The following SSC5D variants were observed in gnomAD, a reference collection of about 807,000 sequenced individuals.
SSC5D encodes scavenger receptor cysteine rich family member with 5 domains.
SSC5D carries 106 observed loss-of-function variants against 104.6 expected under a neutral mutation model. That is an observed-to-expected ratio of 1.01 (90% CI 0.87 to 1.19). SSC5D has a LOEUF of 1.19. SSC5D is among the 50% of genes most tolerant of loss of function. The pLI is 0.00. For missense variants in SSC5D, 1,993 were observed against 2,153.8 expected (o/e 0.93, Z 1.48); for synonymous variants, 860 against 883.5 (o/e 0.97, Z 0.47).
intron 6 of SSC5D, chr19:55,492,833 A>T (rs1987189127): frequency 6.6e-6 from 1 of 151,908 alleles, no homozygotes; most frequent in African/African-American, 2.4e-5. Context: ...CAGTCTGGGC[A>T]ACATAGTGAG....
At position 55,493,591 on chromosome 19, in the gene SSC5D, C is replaced by T; in HGVS notation, c.896-4C>T. 2 of 1,443,320 alleles carry T rather than the reference C, an allele frequency of 1.4e-6. No individual in the cohort carries two copies. Among genetic ancestry groups the T allele is most frequent in the Non-Finnish European group, 1.8e-6 (2 of 1,112,020 alleles). 89.4% of individuals were successfully genotyped at this position (1,443,320 alleles called of 1,614,324 possible). A position where few individuals can be genotyped will look rare whatever the true frequency, so the allele number is the denominator to read the frequency against. ...GGCCCTGTGCTCCCTCTCCCACTAT[C>T]CAGGCCCAGCACCTCGGCTGCGCCT... On this transcript the variant is annotated splice_polypyrimidine_tract_variant and splice_region_variant and intron_variant, in intron 6 of 13. Coordinates refer to ENST00000389623, the MANE Select transcript of SSC5D (RefSeq NM_001144950.2).
Position 55,519,052 on chromosome 19 carries a change from C to A in SSC5D, c.*54C>A, listed in dbSNP as rs546066162. 298 of 1,467,928 alleles carry A rather than the reference C, an allele frequency of 2.0e-4. No homozygotes were observed. The Middle Eastern group carries it at 4.8e-3, about 23-fold the overall frequency. The allele number at this position is 1,467,928 out of a possible 1,614,324, so 90.9% of individuals were successfully genotyped here. On this transcript the variant is annotated 3_prime_UTR_variant, in exon 14 of 14. Transcript: ENST00000389623. ...CACCCCCAACCAAAAAAAACAAAAA[C>A]AAAAAAAACCCCCAAAGTATCTAAT... is the stretch of plus-strand genomic sequence containing the variant.
Position 55,519,008 on chromosome 19 carries a change from G to T in SSC5D, c.*10G>T, listed in dbSNP as rs1285874923. Reference sequence around the variant, plus strand: ...GAGGGGAGACGTGTGACCCTCTCCAGGATTTGAGGGGCTTAAGACACCCCC... The same window carrying T: ...GAGGGGAGACGTGTGACCCTCTCCATGATTTGAGGGGCTTAAGACACCCCC... On this transcript the variant is annotated 3_prime_UTR_variant, in exon 14 of 14. Transcript: ENST00000389623. 4 of 1,549,772 alleles carry T rather than the reference G, an allele frequency of 2.6e-6. No individual in the cohort carries two copies. In the South Asian group the frequency reaches 3.6e-5, roughly 14 times the overall value.
chr19:55,501,927 CTCTA>C (rs1175307740), intron 12 of SSC5D, among the ~76,000 whole-genome samples: 4 of 152,056 alleles, frequency 2.6e-5, no homozygotes, highest in Admixed American at 2.6e-4. Context: ...CCCTCATCAT[CTCTA>C]TCTCTGTATT....
rs542095258 is a variant in SSC5D, at chr19:55,514,215, C to A, written c.2947+1043C>A. Among the ~76,000 whole-genome samples, 567 of 151,576 alleles carry A rather than the reference C, an allele frequency of 3.7e-3. 3 individuals carry two copies. The highest frequency in any genetic ancestry group is 6.9e-3 in the Middle Eastern group (2 of 288). ...GGTCAGGAGATCGAGACCATCCTGG[C>A]TAACACGGTGAAACCCTGTCTTTAC... On this transcript the variant is annotated intron_variant, in intron 13 of 13. Coordinates refer to ENST00000389623, the MANE Select transcript of SSC5D (RefSeq NM_001144950.2).
At chr19:55,490,213 A>C (rs1987097698) in intron 4 of SSC5D, 85 bp from the exon 5 acceptor site, 1 of 637,418 alleles carries the variant, frequency 1.6e-6, no homozygotes, top group African/African-American at 1.9e-5. Flanking sequence ...ATCACTTCAG[A>C]CCCTCAGAGA....
In SSC5D at chr19:55,499,982, G is replaced by C; in HGVS notation, c.1872G>C (p.Met624Ile). Reference sequence around the variant, plus strand: ...CAACCACGAAGGCCCCAGGGAAAATGCCTAAGAGTACTAAGAAGTGGGTGA... The same window carrying C: ...CAACCACGAAGGCCCCAGGGAAAATCCCTAAGAGTACTAAGAAGTGGGTGA... ...EKTTTKAPGK[M>I]PKSTKKWVTK... The change falls in exon 10 of 14, where the codon ATG becomes ATC. Residue 624 changes from methionine to isoleucine, a missense_variant. Physicochemically the swap from Met to Ile is conservative, Grantham distance 10. This residue lies in a region of SSC5D where 1,101 missense variants were observed against 1,085.0 expected (regional missense o/e 1.01). Coordinates refer to ENST00000389623, the MANE Select transcript of SSC5D (RefSeq NM_001144950.2). The C allele has an allele frequency of 6.4e-7, 1 of 1,551,916 alleles. No homozygotes were observed. The highest frequency in any genetic ancestry group is 8.7e-7 in the Non-Finnish European group (1 of 1,147,046).
At position 55,493,721 on chromosome 19, in the gene SSC5D, C is replaced by T. The variant is rs1325365196; in HGVS notation, c.1022C>T (p.Ala341Val). The change falls in exon 7 of 14, where the codon GCC becomes GTC. Residue 341 changes from alanine to valine, a missense_variant. Physicochemically the swap from Ala to Val is moderately conservative, Grantham distance 64. Coordinates refer to ENST00000389623, the MANE Select transcript of SSC5D (RefSeq NM_001144950.2). ...DAWDLRDAAV[A>V]CRELGCGGAL... Reference sequence around the variant, plus strand: ...TGGGACCTGCGAGACGCCGCTGTGGCCTGCCGAGAGCTGGGCTGCGGAGGG... The same window carrying T: ...TGGGACCTGCGAGACGCCGCTGTGGTCTGCCGAGAGCTGGGCTGCGGAGGG... The T allele has an allele frequency of 1.3e-6, 2 of 1,518,788 alleles. No individual in the cohort carries two copies. Among genetic ancestry groups the T allele is most frequent in the Non-Finnish European group, 8.8e-7 (1 of 1,136,570 alleles). The allele number at this position is 1,518,788 out of a possible 1,614,324, so 94.1% of individuals were successfully genotyped here. A position where few individuals can be genotyped will look rare whatever the true frequency, so the allele number is the denominator to read the frequency against.
At chr19:55,502,297 G>A (rs955566257) in intron 12 of SSC5D, among the ~76,000 whole-genome samples, 18 of 151,454 alleles carry the variant, frequency 1.2e-4, no homozygotes, top group Non-Finnish European at 2.2e-4. Flanking sequence ...TCTCACACTC[G>A]TCTTTATGCC....
At chr19:55,491,182 C>A in intron 6 of SSC5D, 102 bp downstream of exon 6, 1 of 1,308,566 alleles carries the variant, frequency 7.6e-7, no homozygotes, top group Non-Finnish European at 1.0e-6. Flanking sequence ...GCTCTGCCTC[C>A]TGCCCGCCTG....
In SSC5D at chr19:55,489,694, A is replaced by G. The variant is rs551550424; in HGVS notation, c.361+32A>G. On this transcript the variant is annotated intron_variant, in intron 3 of 13. Coordinates refer to ENST00000389623, the MANE Select transcript of SSC5D (RefSeq NM_001144950.2). ...ACACCCTGGCTGCTCCTTCAGGGGGAGCTCCTTTGGAGATGACCCAGGAAC... is the reference window on the plus strand; with the variant it reads ...ACACCCTGGCTGCTCCTTCAGGGGGGGCTCCTTTGGAGATGACCCAGGAAC... The G allele has an allele frequency of 1.3e-5, 20 of 1,521,940 alleles. 1 individual carries two copies. In the South Asian group the frequency reaches 2.1e-4, roughly 16 times the overall value. 94.3% of individuals were successfully genotyped at this position (1,521,940 alleles called of 1,614,324 possible). A position where few individuals can be genotyped will look rare whatever the true frequency, so the allele number is the denominator to read the frequency against.
In SSC5D at chr19:55,500,791, G is replaced by T. The variant is rs1457867265; in HGVS notation, c.2604G>T (p.Gly868=). ...KHNCDHEEDV[G]LTCTGYTDYD... ...ACTGTGACCACGAGGAAGACGTGGGGCTCACCTGCACTGGTACCAGGGCAT... is the reference window on the plus strand; with the variant it reads ...ACTGTGACCACGAGGAAGACGTGGGTCTCACCTGCACTGGTACCAGGGCAT... The change falls in exon 11 of 14, where the codon GGG becomes GGT. Residue 868 remains glycine, a synonymous_variant. Transcript: ENST00000389623. The surrounding 1 kb of genome is among the most constrained non-coding windows in gnomAD (Gnocchi z 4.6). The T allele has an allele frequency of 2.7e-5, 42 of 1,550,116 alleles. No homozygotes were observed. Among genetic ancestry groups the T allele is most frequent in the Non-Finnish European group, 3.7e-5 (42 of 1,145,852 alleles).
rs1316770598 is a variant in SSC5D at position 55,500,961 on chromosome 19, G to A, written c.2618-73G>A. On this transcript the variant is annotated intron_variant, in intron 11 of 13. Transcript: ENST00000389623. The surrounding 1 kb of genome is among the most constrained non-coding windows in gnomAD (Gnocchi z 4.6). Reference sequence around the variant, plus strand: ...AGAGTTGCTCCAGAAGATTCCAAAAGGGGAGGGAAGAGCAGCAGCAAGGAC... The same window carrying A: ...AGAGTTGCTCCAGAAGATTCCAAAAAGGGAGGGAAGAGCAGCAGCAAGGAC... The A allele has an allele frequency of 3.2e-6, 5 of 1,539,840 alleles. No individual in the cohort carries two copies. The highest frequency in any genetic ancestry group is 1.7e-4 in the Middle Eastern group (1 of 5,956).
At chr19:55,515,124 TG>T (rs1987841394) in intron 13 of SSC5D, among the ~76,000 whole-genome samples, 1 of 152,204 alleles carries the variant, frequency 6.6e-6, no homozygotes, top group Non-Finnish European at 1.5e-5. Context: ...CCGGGCATGG[TG>T]GCTCACGCCT....
intron 12 of SSC5D, among the ~76,000 whole-genome samples, chr19:55,512,203 A>G (rs2123456338): frequency 6.8e-6 from 1 of 147,666 alleles, no homozygotes; most frequent in South Asian, 2.1e-4. Flanking sequence ...TGGTCTCAAA[A>G]AAAAAAAAAA....
At chr19:55,512,351 T>G (rs902714725) in intron 12 of SSC5D, among the ~76,000 whole-genome samples, 2 of 126,988 alleles carry the variant, frequency 1.6e-5, no homozygotes, top group African/African-American at 6.2e-5. Context: ...ATATAGAGAT[T>G]AAGTGCATTT....
In SSC5D at chr19:55,503,474, C is replaced by G. The variant is rs1987563394; in HGVS notation, c.2785+2273C>G. Among the ~76,000 whole-genome samples, 2 of 152,062 alleles carry G rather than the reference C, an allele frequency of 1.3e-5. No homozygotes were observed. The highest frequency in any genetic ancestry group is 2.9e-5 in the Non-Finnish European group (2 of 68,008). ...CCTTCCCTGCAGTCTCCCGCGTGCT[C>G]TCTTCTCTCTCCCCCTCGTTTCTCT... On this transcript the variant is annotated intron_variant, in intron 12 of 13. Transcript: ENST00000389623. The surrounding 1 kb of genome is among the most constrained non-coding windows in gnomAD (Gnocchi z 4.0).
At chr19:55,515,415 A>AAAAAAAAAG (rs1555767622) in intron 13 of SSC5D, among the ~76,000 whole-genome samples, 2 of 143,826 alleles carry the variant, frequency 1.4e-5, no homozygotes, top group African/African-American at 5.3e-5. Flanking sequence ...AAAAAAAAAA[A>AAAAAAAAAG]AAGTTAAATG....
chr19:55,517,492 C>T lies in SSC5D; in HGVS notation c.3216C>T (p.Ser1072=). The T allele has an allele frequency of 2.6e-6, 4 of 1,551,414 alleles. No homozygotes were observed. The highest frequency in any genetic ancestry group is 1.4e-5 in the African/African-American group (1 of 73,034). Residue 1072 remains serine, a synonymous_variant, in exon 14 of 14, where the codon TCC becomes TCT. Coordinates refer to ENST00000389623, the MANE Select transcript of SSC5D (RefSeq NM_001144950.2). ...TGACAAGCCCTGACTTTGCTTTGTCCACCCCTGACTCCAGTGTGGTTCCCG... is the reference window on the plus strand; with the variant it reads ...TGACAAGCCCTGACTTTGCTTTGTCTACCCCTGACTCCAGTGTGGTTCCCG... ...LILTSPDFAL[S]TPDSSVVPAL...
Sources: allele counts gnomAD v4.1 joint callset (sites outside exome capture counted in the v4.1 genomes callset), GRCh38; gene constraint gnomAD v4.1.1; regional missense constraint gnomAD v4.1.1; non-coding constraint Gnocchi (gnomAD v3.1); transcripts MANE v1.5; gene names NCBI Gene and HGNC (gene_info 2026-07-23, HGNC 2026-07-21).